PARD3: variants seen among roughly 807,000 people sequenced by gnomAD.
The protein encoded by PARD3 is partitioning defective 3 homolog.
In PARD3, 75 loss-of-function variants were observed where a neutral mutation model predicts 155.4. That is an observed-to-expected ratio of 0.48 (90% CI 0.40 to 0.58). PARD3 has a LOEUF of 0.58. Ranked by LOEUF, PARD3 falls within the 20% of genes least tolerant of loss-of-function variation. The pLI, the probability that PARD3 is intolerant of heterozygous loss-of-function variation, is 0.00. For missense variants in PARD3, 1,642 were observed against 1,721.7 expected (o/e 0.95, Z 0.82); for synonymous variants, 576 against 610.5 (o/e 0.94, Z 0.83).
At chr10:34,637,994 C>G (rs563146065) in intron 2 of PARD3, among the ~76,000 whole-genome samples, 1 of 152,120 alleles carries the variant, frequency 6.6e-6, no homozygotes, top group East Asian at 1.9e-4. Flanking sequence ...ACAAGACACA[C>G]GGACTGTGCA....
At chr10:34,277,630 C>T (rs1955950476) in intron 21 of PARD3, among the ~76,000 whole-genome samples, 2 of 152,090 alleles carry the variant, frequency 1.3e-5, no homozygotes, top group South Asian at 4.1e-4. Context: ...GGGAAGAATG[C>T]AAGTTGCTGA....
chr10:34,776,325 T>C (rs1341221697), intron 1 of PARD3, among the ~76,000 whole-genome samples: 1 of 152,164 alleles, frequency 6.6e-6, no homozygotes, highest in African/African-American at 2.4e-5. Context: ...TACAAGAGAT[T>C]ACTATTTATG....
intron 1 of PARD3, among the ~76,000 whole-genome samples, chr10:34,725,715 A>G (rs1217157733): frequency 6.6e-6 from 1 of 152,020 alleles, no homozygotes; most frequent in African/African-American, 2.4e-5. Flanking sequence ...CTAACTACAC[A>G]ACACTCCAAC....
chr10:34,579,566 G>GTGTGTGTGTGTGTGTGTGTGTGTA, intron 2 of PARD3, among the ~76,000 whole-genome samples: 1 of 135,496 alleles, frequency 7.4e-6, no homozygotes, highest in African/African-American at 3.1e-5. Context: ...GTGTGTGTGT[G>GTGTGTGTGTGTGTGTGTGTGTGTA]TGTGTGTGTG....
intron 2 of PARD3, among the ~76,000 whole-genome samples, chr10:34,523,519 G>A (rs912029030): frequency 6.6e-6 from 1 of 152,154 alleles, no homozygotes; most frequent in South Asian, 2.1e-4. Context: ...ACTTGAAGAT[G>A]CCTCCATGAC....
rs910507002 is a variant in PARD3, at chr10:34,119,864, T to C, written c.3541-124A>G. 8.6e-6 allele frequency: 8 copies of C among 925,658 alleles called. No individual in the cohort carries two copies. In the African/African-American group the frequency reaches 1.4e-4, roughly 16 times the overall value. 57.3% of individuals were successfully genotyped at this position (925,658 alleles called of 1,614,324 possible). A position where few individuals can be genotyped will look rare whatever the true frequency, so the allele number is the denominator to read the frequency against. On this transcript the variant is annotated intron_variant, in intron 23 of 24. Transcript: ENST00000374788. Reference sequence around the variant, plus strand: ...AATTTTGAAAATTCTGTGATTTGTTTTTCAAAATCGTTTCTTTGAGAAAAG... The same window carrying C: ...AATTTTGAAAATTCTGTGATTTGTTCTTCAAAATCGTTTCTTTGAGAAAAG...
intron 2 of PARD3, among the ~76,000 whole-genome samples, chr10:34,523,185 A>C (rs2082258732): frequency 1.3e-5 from 2 of 152,204 alleles, no homozygotes; most frequent in Admixed American, 6.5e-5. Context: ...TGCAGATTCT[A>C]CCCTCATACA....
chr10:34,635,335 A>G (rs2092430264), intron 2 of PARD3, among the ~76,000 whole-genome samples: 1 of 152,230 alleles, frequency 6.6e-6, no homozygotes, highest in Non-Finnish European at 1.5e-5. Context: ...TACCTGTCTG[A>G]GCGAGAGATG....
At chr10:34,590,310 C>T (rs951771855) in intron 2 of PARD3, among the ~76,000 whole-genome samples, 20 of 152,332 alleles carry the variant, frequency 1.3e-4, no homozygotes, top group African/African-American at 4.8e-4. Context: ...TGCAACAAAT[C>T]AAATGTGACT....
chr10:34,374,416 A>T (rs746823193), intron 11 of PARD3, among the ~76,000 whole-genome samples: 14 of 152,110 alleles, frequency 9.2e-5, no homozygotes, highest in Non-Finnish European at 1.8e-4. Context: ...TAATTTTTTT[A>T]AAAAGGTATT....
chr10:34,551,949 T>A (rs955975281), intron 2 of PARD3, among the ~76,000 whole-genome samples: 1 of 152,182 alleles, frequency 6.6e-6, no homozygotes, highest in Non-Finnish European at 1.5e-5. Context: ...AGGTTGTCTG[T>A]CTTGACCCTA....
intron 20 of PARD3, among the ~76,000 whole-genome samples, chr10:34,316,282 C>A (rs1957999726): frequency 6.6e-6 from 1 of 152,058 alleles, no homozygotes; most frequent in Non-Finnish European, 1.5e-5. Flanking sequence ...ACATTAAGTG[C>A]CTGAATATTA....
chr10:34,598,831 G>A (rs1037411454), intron 2 of PARD3, among the ~76,000 whole-genome samples: 2 of 152,074 alleles, frequency 1.3e-5, no homozygotes, highest in Non-Finnish European at 2.9e-5. Context: ...ACTCAGATTC[G>A]GCATATCTTG....
chr10:34,803,808 A>G (rs887619784), intron 1 of PARD3, among the ~76,000 whole-genome samples: 1 of 151,854 alleles, frequency 6.6e-6, no homozygotes, highest in African/African-American at 2.4e-5. Context: ...ATCTCGGAAA[A>G]TAAAAAATAA....
At chr10:34,633,888 T>C (rs1231687240) in intron 2 of PARD3, among the ~76,000 whole-genome samples, 1 of 152,024 alleles carries the variant, frequency 6.6e-6, no homozygotes, top group Admixed American at 6.6e-5. Context: ...AAGAGGGAGG[T>C]GACATTTCAC....
At position 34,372,545 on chromosome 10, in the gene PARD3, A is replaced by G; in HGVS notation, c.1669-9T>C. 1 of 1,601,174 alleles carries G rather than the reference A, an allele frequency of 6.2e-7. No individual in the cohort carries two copies. Among genetic ancestry groups the G allele is most frequent in the Middle Eastern group, 1.7e-4 (1 of 6,034 alleles). On this transcript the variant is annotated splice_polypyrimidine_tract_variant and intron_variant, in intron 11 of 24. Transcript: ENST00000374788. ...TGGCTTGGCTCTGCATTCTAGAAGA[A>G]TTGAAGAAAAACATAAATACAGACT...
chr10:34,382,691 GTC>G lies in PARD3; in HGVS notation c.1246_1247del (p.Asp416LeufsTer8). 1 of 1,614,180 alleles carries G rather than the reference GTC, an allele frequency of 6.2e-7. No individual in the cohort carries two copies. The highest frequency in any genetic ancestry group is 8.5e-7 in the Non-Finnish European group (1 of 1,180,040). On this transcript the variant is annotated frameshift_variant, in exon 9 of 25. Transcript: ENST00000374788. LOFTEE classifies it high-confidence loss of function. ...CGCTATGAGGTAGTCTTGAGTGAGA[GTC>G]TATCTGCTCAGGCGGGTGGTTCAGT... Reference protein sequence around the residue: ...PRLNHPPEQIDSHSRLPHSAH... With the variant: ...PRLNHPPEQIXSHSRLPHSAH...
At chr10:34,775,622 G>C (rs895257339) in intron 1 of PARD3, among the ~76,000 whole-genome samples, 4 of 151,734 alleles carry the variant, frequency 2.6e-5, no homozygotes, top group Non-Finnish European at 5.9e-5. Flanking sequence ...TCTACTACAA[G>C]AGATATATGC....
At chr10:34,660,362 C>A (rs1370529958) in intron 2 of PARD3, among the ~76,000 whole-genome samples, 1 of 152,104 alleles carries the variant, frequency 6.6e-6, no homozygotes, top group African/African-American at 2.4e-5. Context: ...TAAATACTTA[C>A]ATTATCTATG....
Sources: allele counts gnomAD v4.1 joint callset (sites outside exome capture counted in the v4.1 genomes callset), GRCh38; gene constraint gnomAD v4.1.1; transcripts MANE v1.5; gene names NCBI Gene and HGNC (gene_info 2026-07-23, HGNC 2026-07-21).